The following SLC17A1 variants were observed in gnomAD, a reference collection of about 807,000 sequenced individuals.
SLC17A1 encodes sodium-dependent phosphate transport protein 1.
In SLC17A1, 51 loss-of-function variants were observed where a neutral mutation model predicts 53.5. The observed-to-expected ratio is 0.95, with a 90% CI of 0.76 to 1.20. SLC17A1 has a LOEUF of 1.20. Among genes scored for constraint, SLC17A1 ranks in the 50% most tolerant of loss-of-function variants. The pLI, the probability that SLC17A1 is intolerant of heterozygous loss-of-function variation, is 0.00. For missense variants in SLC17A1, 538 were observed against 568.2 expected (o/e 0.95, Z 0.54); for synonymous variants, 179 against 198.8 (o/e 0.90, Z 0.84).
chr6:25,811,084 G>C (rs1315841022), intron 10 of SLC17A1, among the ~76,000 whole-genome samples: 1 of 152,100 alleles, frequency 6.6e-6, no homozygotes, highest in Non-Finnish European at 1.5e-5. Flanking sequence ...TGATTACCAG[G>C]CACTGGGAGT....
At position 25,819,763 on chromosome 6, in the gene SLC17A1, C is replaced by T; in HGVS notation, c.360G>A (p.Val120=). The change falls in exon 4 of 13, where the codon GTG becomes GTA. Residue 120 remains valine, a synonymous_variant. Transcript: ENST00000244527. ...CTGCTGGTGGGATGAGCAGGCTTAA[C>T]ACAGAGCTGAGGCATAATGCAAAGC... ...MIGFALCLSS[V]LSLLIPPAAG... 3.1e-6 allele frequency: 5 copies of T among 1,614,182 alleles called. No individual in the cohort carries two copies. Among genetic ancestry groups the T allele is most frequent in the East Asian group, 2.2e-5 (1 of 44,886 alleles).
the SLC17A1 span, among the ~76,000 whole-genome samples, chr6:25,754,130 C>CCTT: frequency 0.091 from 13,904 of 152,072 alleles, 806 homozygotes; most frequent in Middle Eastern, 0.15. Context: ...GATGGCTTTG[C>CCTT]TAAGGGCTGT....
chr6:25,731,896 T>C, the SLC17A1 span: 24 of 1,602,862 alleles, frequency 1.5e-5, no homozygotes, highest in Middle Eastern at 3.4e-4. Flanking sequence ...CTGGAGGTGA[T>C]GGTCGAGCGC....
At chr6:25,783,704 A>G (rs925384581) in intron 12 of SLC17A1, among the ~76,000 whole-genome samples, 1 of 152,196 alleles carries the variant, frequency 6.6e-6, no homozygotes, top group Non-Finnish European at 1.5e-5. Flanking sequence ...TACCTTTTGT[A>G]CTGTTACCAA....
chr6:25,765,499 C>T, the SLC17A1 span, among the ~76,000 whole-genome samples: 4 of 152,208 alleles, frequency 2.6e-5, no homozygotes, highest in Non-Finnish European at 4.4e-5. Context: ...TACGTTATTA[C>T]GGGGAAATTG....
intron 5 of SLC17A1, 149 bp from the exon 6 acceptor site, chr6:25,819,303 T>C (rs1764464954): frequency 1.4e-6 from 1 of 691,696 alleles, no homozygotes; most frequent in Non-Finnish European, 2.4e-6. Flanking sequence ...AAAAATATTT[T>C]CTTTTCTCTC....
chr6:25,792,700 A>G (rs541425373), intron 12 of SLC17A1, among the ~76,000 whole-genome samples: 1 of 152,240 alleles, frequency 6.6e-6, no homozygotes, highest in South Asian at 2.1e-4. Flanking sequence ...ATCTCGTAAT[A>G]AACACTCTTT....
chr6:25,726,979 A>G, the SLC17A1 span: 2 of 1,614,232 alleles, frequency 1.2e-6, no homozygotes, highest in Non-Finnish European at 1.7e-6. Flanking sequence ...GTTAAGACCC[A>G]GAAAAAGGAA....
chr6:25,740,666 G>T, the SLC17A1 span, among the ~76,000 whole-genome samples: 184 of 152,052 alleles, frequency 1.2e-3, no homozygotes, highest in African/African-American at 3.4e-3. Flanking sequence ...AAAATAAAAT[G>T]GTTCAAAAAA....
the SLC17A1 span, among the ~76,000 whole-genome samples, chr6:25,765,225 T>C: frequency 6.6e-6 from 1 of 152,264 alleles, no homozygotes; most frequent in African/African-American, 2.4e-5. Context: ...GGTACACTTA[T>C]GAAAGATAAC....
At chr6:25,773,558 TC>T in the SLC17A1 span, 1 of 1,613,992 alleles carries the variant, frequency 6.2e-7, no homozygotes, top group South Asian at 1.1e-5. Context: ...TATGATCAAA[TC>T]CTTACCACTC....
At chr6:25,793,967 G>T (rs1763554806) in intron 12 of SLC17A1, among the ~76,000 whole-genome samples, 2 of 152,162 alleles carry the variant, frequency 1.3e-5, no homozygotes. Flanking sequence ...AGTCATTTGC[G>T]ACTGGAGGTC....
At chr6:25,737,336 C>T in the SLC17A1 span, among the ~76,000 whole-genome samples, 1 of 152,092 alleles carries the variant, frequency 6.6e-6, no homozygotes, top group Admixed American at 6.6e-5. Context: ...GGCCACTACT[C>T]AGAAGTGGAC....
At chr6:25,732,063 C>A in the SLC17A1 span, 2 of 1,241,660 alleles carry the variant, frequency 1.6e-6, no homozygotes, top group Non-Finnish European at 2.2e-6. Flanking sequence ...GCTCTCTTTG[C>A]GGCATCTCTT....
rs553851525 is a variant in SLC17A1 at position 25,829,053 on chromosome 6, A to G, written c.34+1471T>C. ...AACCATTTTTTTAAAAGCATGGGTGATCTAAGAGGAAAGATGAAATATTCA... is the reference window on the plus strand; with the variant it reads ...AACCATTTTTTTAAAAGCATGGGTGGTCTAAGAGGAAAGATGAAATATTCA... On this transcript the variant is annotated intron_variant, in intron 2 of 12. Coordinates refer to ENST00000244527, the MANE Select transcript of SLC17A1 (RefSeq NM_005074.5). Among the ~76,000 whole-genome samples the G allele has an allele frequency of 3.3e-4, 51 of 152,286 alleles. No homozygotes were observed. The South Asian group carries it at 0.01, about 30-fold the overall frequency.
At chr6:25,777,695 G>A in the SLC17A1 span, 15 of 422,468 alleles carry the variant, frequency 3.6e-5, 1 homozygote, top group South Asian at 8.4e-4. Flanking sequence ...CCCCTTGGGA[G>A]TACCAGTCCC....
chr6:25,797,610 G>GTT (rs199543659), intron 12 of SLC17A1, among the ~76,000 whole-genome samples: 11 of 144,808 alleles, frequency 7.6e-5, no homozygotes, highest in East Asian at 2.0e-4. Flanking sequence ...TTCTACCCCA[G>GTT]TTTTTTTTTT....
At chr6:25,779,323 T>C (rs1763185238), downstream of SLC17A1, 5 of 1,265,990 alleles carry the variant, frequency 3.9e-6, no homozygotes, top group East Asian at 5.0e-5. Context: ...GATTTTACCA[T>C]GCCTGGAAAT....
chr6:25,800,063 C>T (rs1331277347), intron 11 of SLC17A1, among the ~76,000 whole-genome samples: 1 of 152,196 alleles, frequency 6.6e-6, no homozygotes, highest in Non-Finnish European at 1.5e-5. Context: ...ATTATCTACA[C>T]ACTACCATTC....
Sources: allele counts gnomAD v4.1 joint callset (sites outside exome capture counted in the v4.1 genomes callset), GRCh38; gene constraint gnomAD v4.1.1; transcripts MANE v1.5; gene names NCBI Gene and HGNC (gene_info 2026-07-23, HGNC 2026-07-21).